Variants in NELL1 observed in about 807,000 individuals in gnomAD.
NELL1 encodes protein kinase C-binding protein NELL1.
NELL1 carries 76 observed loss-of-function variants against 107.4 expected under a neutral mutation model. The ratio of observed to expected loss-of-function variants is 0.71; its 90% CI spans 0.59 to 0.86. The LOEUF is 0.86. Ranked by LOEUF, NELL1 falls within the 40% of genes least tolerant of loss-of-function variation. The pLI, the probability that NELL1 is intolerant of heterozygous loss-of-function variation, is 0.00. For missense variants in NELL1, 1,024 were observed against 1,005.5 expected (o/e 1.02, Z -0.25); for synonymous variants, 353 against 341.2 (o/e 1.03, Z -0.38).
chr11:21,346,377 T>G (rs935130076), intron 14 of NELL1, among the ~76,000 whole-genome samples: 2 of 151,912 alleles, frequency 1.3e-5, no homozygotes, highest in African/African-American at 4.8e-5. Context: ...ATTGATTGAG[T>G]TATATACTTC....
chr11:21,516,418 C>T (rs946107514), intron 15 of NELL1, among the ~76,000 whole-genome samples: 12 of 151,944 alleles, frequency 7.9e-5, no homozygotes, highest in Admixed American at 7.2e-4. Flanking sequence ...TGTAGTTACC[C>T]ATTGCTTAAC....
In NELL1 at chr11:21,366,007, G is replaced by A. The variant is rs183447576; in HGVS notation, c.1550-4846G>A. On this transcript the variant is annotated intron_variant, in intron 14 of 19. Coordinates refer to ENST00000357134, the MANE Select transcript of NELL1 (RefSeq NM_006157.5). The stretch of plus-strand genomic sequence containing the variant: ...AGGATGTTTAAACATTCATGGTCTC[G>A]ACTCACCAAGTAATAGGACCACATT... Among the ~76,000 whole-genome samples the A allele has an allele frequency of 1.0e-3, 153 of 152,096 alleles. 1 individual carries two copies. The highest frequency in any genetic ancestry group is 3.5e-3 in the African/African-American group (144 of 41,480).
intron 12 of NELL1, among the ~76,000 whole-genome samples, chr11:20,987,180 C>T (rs1271920719): frequency 6.6e-6 from 1 of 152,130 alleles, no homozygotes; most frequent in Non-Finnish European, 1.5e-5. Flanking sequence ...GTAGATTTTA[C>T]TCTACACTGA....
At chr11:20,985,386 T>A (rs1851832290) in intron 12 of NELL1, among the ~76,000 whole-genome samples, 1 of 152,222 alleles carries the variant, frequency 6.6e-6, no homozygotes, top group African/African-American at 2.4e-5. Flanking sequence ...TTTGAATATC[T>A]GTCTATATTC....
chr11:21,143,489 C>G (rs1006064541), intron 13 of NELL1, among the ~76,000 whole-genome samples: 10 of 151,814 alleles, frequency 6.6e-5, no homozygotes, highest in Admixed American at 5.9e-4. Flanking sequence ...AGCGAAAAGT[C>G]CTTGGTGGAG....
intron 15 of NELL1, among the ~76,000 whole-genome samples, chr11:21,520,509 G>A (rs944687461): frequency 6.6e-6 from 1 of 152,146 alleles, no homozygotes; most frequent in Non-Finnish European, 1.5e-5. Context: ...CTGGCCTATA[G>A]GGGTGGTAAT....
In NELL1 at chr11:20,960,468, A is replaced by C; in HGVS notation, c.1208A>C (p.Glu403Ala). The change falls in exon 12 of 20, where the codon GAA (glutamate) becomes GCA (alanine). Residue 403 changes from glutamate (E) to alanine (A), a missense_variant. By Grantham distance (107) the Glu-to-Ala change is moderately radical. Coordinates refer to ENST00000357134, the MANE Select transcript of NELL1 (RefSeq NM_006157.5). ...TGTGCAGAAGGACCTAAATGTGGTG[A>C]AAACTCAGAGTGCAAAAACTGGAAT... ...NFCAEGPKCG[E>A]NSECKNWNTK... 2 of 1,613,994 alleles carry C rather than the reference A, an allele frequency of 1.2e-6. No homozygotes were observed. The highest frequency in any genetic ancestry group is 1.7e-6 in the Non-Finnish European group (2 of 1,179,890).
chr11:20,730,872 A>G (rs191899522), intron 2 of NELL1, among the ~76,000 whole-genome samples: 34 of 152,290 alleles, frequency 2.2e-4, no homozygotes, highest in South Asian at 6.2e-4. Context: ...AGAACTTCCT[A>G]ACTTCAAAGT....
intron 4 of NELL1, 81 bp from the exon 5 acceptor site, chr11:20,885,363 A>T (rs1341910051): frequency 8.4e-6 from 7 of 834,186 alleles, no homozygotes; most frequent in Non-Finnish European, 2.1e-6. Flanking sequence ...AGCTAATGGC[A>T]TGCATACTTC....
At chr11:20,742,441 C>G (rs1027927009) in intron 2 of NELL1, among the ~76,000 whole-genome samples, 2 of 152,106 alleles carry the variant, frequency 1.3e-5, no homozygotes, top group South Asian at 2.1e-4. Context: ...TTATAGCACA[C>G]TGAAAACTCC....
At chr11:21,242,091 A>C (rs1414472119) in intron 14 of NELL1, among the ~76,000 whole-genome samples, 1 of 151,894 alleles carries the variant, frequency 6.6e-6, no homozygotes, top group Non-Finnish European at 1.5e-5. Context: ...CCTAAGTGAG[A>C]AAATGTTTAC....
intron 16 of NELL1, among the ~76,000 whole-genome samples, chr11:21,559,534 T>C (rs1856802355): frequency 6.6e-6 from 1 of 152,100 alleles, no homozygotes; most frequent in African/African-American, 2.4e-5. Context: ...ATGTCTTTCA[T>C]CAGCATCCAT....
intron 15 of NELL1, among the ~76,000 whole-genome samples, chr11:21,518,548 C>T (rs867947559): frequency 1.3e-5 from 2 of 152,144 alleles, no homozygotes; most frequent in Non-Finnish European, 1.5e-5. Flanking sequence ...TTGTATTCCT[C>T]CTTTTAAGCC....
chr11:20,960,410 C>G (rs370079672), intron 11 of NELL1, 22 bp from the exon 12 acceptor site: 3 of 1,609,748 alleles, frequency 1.9e-6, no homozygotes, highest in Non-Finnish European at 2.5e-6. Flanking sequence ...TTCTGATGTA[C>G]GTTTTTATTT....
intron 15 of NELL1, among the ~76,000 whole-genome samples, chr11:21,405,654 A>G (rs1852217487): frequency 6.6e-6 from 1 of 151,972 alleles, no homozygotes; most frequent in Non-Finnish European, 1.5e-5. Flanking sequence ...ACCAGTCTAT[A>G]TTCTTGGAAC....
At chr11:21,546,409 A>G (rs931893822) in intron 16 of NELL1, among the ~76,000 whole-genome samples, 4 of 151,960 alleles carry the variant, frequency 2.6e-5, no homozygotes, top group Admixed American at 1.3e-4. Flanking sequence ...AGAGATCATC[A>G]TTGATATGGT....
At chr11:21,320,016 A>G (rs935728821) in intron 14 of NELL1, among the ~76,000 whole-genome samples, 3 of 150,904 alleles carry the variant, frequency 2.0e-5, no homozygotes, top group Non-Finnish European at 2.9e-5. Flanking sequence ...GGAATTGGGG[A>G]TATACCTCAA....
intron 17 of NELL1, among the ~76,000 whole-genome samples, chr11:21,563,216 C>T (rs1378408666): frequency 1.3e-5 from 2 of 152,070 alleles, no homozygotes; most frequent in African/African-American, 4.8e-5. Flanking sequence ...GTGGCTCTTC[C>T]ATTCATAAAT....
intron 12 of NELL1, among the ~76,000 whole-genome samples, chr11:20,995,126 G>GTT (rs71856294): frequency 6.7e-6 from 1 of 149,474 alleles, no homozygotes; most frequent in African/African-American, 2.5e-5. Flanking sequence ...TAATTTTCTG[G>GTT]TTTTTTTTTT....
Sources: gnomAD v4.1 joint callset for allele counts (sites outside exome capture counted in the v4.1 genomes callset) on GRCh38, gnomAD v4.1.1 for gene constraint, MANE v1.5 for transcripts, NCBI Gene and HGNC (gene_info 2026-07-23, HGNC 2026-07-21) for gene names.